The following RNF212B variants were observed in gnomAD, a reference collection of about 807,000 sequenced individuals.
RNF212B encodes ring finger protein 212B.
In RNF212B, 52 loss-of-function variants were observed where a neutral mutation model predicts 55.5. The observed-to-expected ratio is 0.94, with a 90% CI of 0.75 to 1.18. The LOEUF (loss-of-function observed/expected upper bound fraction) is 1.18. Ranked by LOEUF, RNF212B falls within the 50% of genes most tolerant of loss-of-function variation. The probability of loss-of-function intolerance (pLI) is 0.00; values close to 1 mark genes in which losing one functional copy is unlikely to be tolerated. For missense variants in RNF212B, 289 were observed against 350.4 expected (o/e 0.82, Z 1.40); for synonymous variants, 99 against 121.4 (o/e 0.82, Z 1.21).
chr14:23,231,475 TAACTC>T (rs1882603484), intron 2 of RNF212B, among the ~76,000 whole-genome samples: 1 of 152,186 alleles, frequency 6.6e-6, no homozygotes, highest in Non-Finnish European at 1.5e-5. Context: ...TGTAGAAAAT[TAACTC>T]AAATGAATCA....
intron 1 of RNF212B, among the ~76,000 whole-genome samples, chr14:23,190,035 CT>C (rs1459251542): frequency 3.3e-5 from 5 of 152,124 alleles, no homozygotes; most frequent in African/African-American, 1.2e-4. Context: ...ATTTCTCAGT[CT>C]TTATCTTATT....
chr14:23,262,895 C>A, intron 8 of RNF212B, 33 bp from the exon 9 acceptor site: 1 of 1,549,050 alleles, frequency 6.5e-7, no homozygotes, highest in Non-Finnish European at 8.7e-7. Context: ...CCATTGATGG[C>A]AACTTTTTAT....
chr14:23,225,858 A>C (rs924299055), intron 2 of RNF212B, among the ~76,000 whole-genome samples: 5 of 152,224 alleles, frequency 3.3e-5, no homozygotes, highest in East Asian at 1.9e-4. Context: ...TTTGTAACAC[A>C]AAGGATAAAA....
At chr14:23,233,562 CAAAAAA>C (rs35654046), upstream of RNF212B, among the ~76,000 whole-genome samples, 21 of 58,390 alleles carry the variant, frequency 3.6e-4, no homozygotes, top group African/African-American at 1.3e-3. Flanking sequence ...CCCATCTCTA[CAAAAAA>C]AAAAAAAAAA....
chr14:23,265,929 C>T (rs557078111), intron 11 of RNF212B, among the ~76,000 whole-genome samples: 35 of 152,212 alleles, frequency 2.3e-4, no homozygotes, highest in Non-Finnish European at 4.7e-4. Context: ...CATCCTATAA[C>T]ATTTGGCATG....
chr14:23,223,147 A>G (rs12893114), intron 2 of RNF212B, among the ~76,000 whole-genome samples: 24,683 of 152,058 alleles, frequency 0.16, 2,044 homozygotes, highest in Non-Finnish European at 0.18. Flanking sequence ...GCAAATCAAT[A>G]TACGTCGTAC....
At chr14:23,267,605 T>C (rs1885797644) in intron 11 of RNF212B, among the ~76,000 whole-genome samples, 1 of 152,058 alleles carries the variant, frequency 6.6e-6, no homozygotes, top group South Asian at 2.1e-4. Flanking sequence ...ATTTTTGTAT[T>C]TTTAGTAGAG....
rs137863195 is a variant in RNF212B, at chr14:23,211,651, C to A, written c.-2+18250C>A. Among the ~76,000 whole-genome samples, 1,281 of 152,092 alleles carry A rather than the reference C, an allele frequency of 8.4e-3. 17 individuals are homozygous for A. The highest frequency in any genetic ancestry group is 0.029 in the African/African-American group (1,212 of 41,488). ...ATAATACGTCATGAACAAATTTATC[C>A]CAGGAACACATAATTGATTTAACAT... On this transcript the variant is annotated intron_variant, in intron 2 of 15. Transcript: ENST00000399910.
At chr14:23,197,383 C>T (rs1878822089) in intron 2 of RNF212B, among the ~76,000 whole-genome samples, 1 of 151,970 alleles carries the variant, frequency 6.6e-6, no homozygotes, top group Non-Finnish European at 1.5e-5. Context: ...AAAAATTAGC[C>T]ATGTGTGGTG....
intron 12 of RNF212B, 21 bp from the exon 13 acceptor site, chr14:23,269,842 G>A: frequency 7.5e-7 from 1 of 1,342,262 alleles, no homozygotes; most frequent in Non-Finnish European, 1.0e-6. Flanking sequence ...CTCTGCTGAT[G>A]CTTTTATTTG....
intron 2 of RNF212B, among the ~76,000 whole-genome samples, chr14:23,202,774 C>G (rs1234288108): frequency 2.0e-5 from 3 of 150,712 alleles, no homozygotes; most frequent in Non-Finnish European, 4.4e-5. Context: ...TGGCGTGAAC[C>G]TGGGAGGTGG....
At chr14:23,260,627 G>A in intron 6 of RNF212B, 32 bp from the exon 7 acceptor site, 1 of 1,549,254 alleles carries the variant, frequency 6.5e-7, no homozygotes, top group Non-Finnish European at 8.7e-7. Context: ...CTCAGTTGCA[G>A]CTTTCTTCAC....
chr14:23,227,228 T>A (rs1196056605), intron 2 of RNF212B, among the ~76,000 whole-genome samples: 1 of 151,996 alleles, frequency 6.6e-6, no homozygotes, highest in African/African-American at 2.4e-5. Flanking sequence ...TTATAATTTT[T>A]TTTTTGGTAA....
chr14:23,235,053 A>C (rs905830841), upstream of RNF212B, among the ~76,000 whole-genome samples: 13 of 152,184 alleles, frequency 8.5e-5, no homozygotes, highest in East Asian at 2.5e-3. Context: ...CTCAACTAAG[A>C]ATACAAAAAT....
At chr14:23,237,702 G>A (rs1883216000), upstream of RNF212B, among the ~76,000 whole-genome samples, 1 of 152,104 alleles carries the variant, frequency 6.6e-6, no homozygotes, top group Admixed American at 6.5e-5. Context: ...TAACATGTAT[G>A]GGATTAGGTT....
intron 1 of RNF212B, among the ~76,000 whole-genome samples, chr14:23,239,127 G>A (rs752825390): frequency 1.1e-4 from 17 of 152,026 alleles, no homozygotes; most frequent in Non-Finnish European, 2.4e-4. Flanking sequence ...GCAGTGGCAC[G>A]ATCTTGGCTC....
intron 2 of RNF212B, among the ~76,000 whole-genome samples, chr14:23,215,391 C>T (rs1463731519): frequency 6.6e-6 from 1 of 152,124 alleles, no homozygotes; most frequent in Non-Finnish European, 1.5e-5. Context: ...ATTCAAATGA[C>T]AGTGTATTTC....
upstream of RNF212B, among the ~76,000 whole-genome samples, chr14:23,236,518 A>C (rs559334162): frequency 7.2e-5 from 11 of 152,214 alleles, no homozygotes; most frequent in South Asian, 4.2e-4. Context: ...CTGCTTCAAA[A>C]AACAACAACA....
rs1368144958 is a variant in RNF212B at position 23,262,632 on chromosome 14, G to A, written c.435-33G>A. The stretch of plus-strand genomic sequence containing the variant: ...GTGGCACTTGACCTCTGCCTAGAGA[G>A]ATTAGAGCCGCCTCTTTTTTTTTCC... On this transcript the variant is annotated intron_variant, in intron 7 of 14. Coordinates refer to ENST00000430154, the MANE Select transcript of RNF212B (RefSeq NM_001282322.3). The A allele has an allele frequency of 4.5e-6, 7 of 1,545,832 alleles. No individual in the cohort carries two copies. The Admixed American group carries it at 1.4e-4, about 31-fold the overall frequency.
Sources: gnomAD v4.1 joint callset for allele counts (sites outside exome capture counted in the v4.1 genomes callset) on GRCh38, gnomAD v4.1.1 for gene constraint, MANE v1.5 for transcripts, NCBI Gene and HGNC (gene_info 2026-07-23, HGNC 2026-07-21) for gene names.